TAB2: variants seen among roughly 807,000 people sequenced by gnomAD.
TAB2 encodes the protein TGF-beta activated kinase 1 (MAP3K7) binding protein 2.
Under a neutral mutation model 65.0 loss-of-function variants are expected in TAB2, and 3 were observed. The ratio of observed to expected loss-of-function variants is 0.05; its 90% CI spans 0.02 to 0.12. The LOEUF is 0.12. Ranked by LOEUF, TAB2 falls within the 10% of genes least tolerant of loss-of-function variation. The probability of loss-of-function intolerance (pLI) is 1.00; values close to 1 mark genes in which losing one functional copy is unlikely to be tolerated. For missense variants in TAB2, 623 were observed against 840.3 expected, an observed-to-expected ratio of 0.74 and a Z score of 3.20; for synonymous variants, 298 against 285.1, an observed-to-expected ratio of 1.05 and a Z score of -0.46.
chr6:149,355,153 T>C (rs1780616078), intron 1 of TAB2, among the ~76,000 whole-genome samples: 1 of 152,190 alleles, frequency 6.6e-6, no homozygotes, highest in South Asian at 2.1e-4. Context: ...CTTTTTTGTT[T>C]GGTCTCCAAT....
intron 1 of TAB2, among the ~76,000 whole-genome samples, chr6:149,274,783 A>G (rs1304467686): frequency 6.6e-6 from 1 of 152,192 alleles, no homozygotes; most frequent in East Asian, 1.9e-4. Flanking sequence ...GGCTGCACTT[A>G]TACCCAGAGC....
intron 1 of TAB2, among the ~76,000 whole-genome samples, chr6:149,361,813 A>G (rs148815565): frequency 6.6e-6 from 1 of 152,348 alleles, no homozygotes; most frequent in African/African-American, 2.4e-5. Flanking sequence ...CATCCAGTCC[A>G]CATCAGAAAT....
intron 1 of TAB2, among the ~76,000 whole-genome samples, chr6:149,309,273 T>TTTACATATACG (rs899731317): frequency 8.3e-5 from 4 of 47,954 alleles, no homozygotes; most frequent in African/African-American, 5.4e-4. Flanking sequence ...TATATGCTGT[T>TTTACATATACG]TTACATATGC....
In TAB2 at chr6:149,379,537, G is replaced by A. The variant is rs1021858149; in HGVS notation, c.1603+19G>A. The A allele has an allele frequency of 1.9e-6, 3 of 1,613,484 alleles. No individual in the cohort carries two copies. The highest frequency in any genetic ancestry group is 1.1e-5 in the South Asian group (1 of 91,048). ...ACACAAGGTAATATGAATACTAAAG[G>A]TGGGATGGTTTTCCATGCTGGGCTT... On this transcript the variant is annotated intron_variant, in intron 3 of 6. Coordinates refer to ENST00000637181, the MANE Select transcript of TAB2 (RefSeq NM_001292034.3).
At chr6:149,335,791 C>T (rs1779916614) in intron 1 of TAB2, among the ~76,000 whole-genome samples, 1 of 151,972 alleles carries the variant, frequency 6.6e-6, no homozygotes, top group East Asian at 1.9e-4. Context: ...ACACCTCATT[C>T]ATCTAGTATT....
chr6:149,379,611 T>C, intron 3 of TAB2, 93 bp downstream of exon 3: 1 of 1,224,650 alleles, frequency 8.2e-7, no homozygotes, highest in South Asian at 1.2e-5. Context: ...AGCATTGTTA[T>C]TTCATTGTTT....
intron 1 of TAB2, among the ~76,000 whole-genome samples, chr6:149,248,472 G>A (rs1364562147): frequency 1.4e-5 from 2 of 143,894 alleles, no homozygotes; most frequent in Non-Finnish European, 1.5e-5. Flanking sequence ...AGGAAGGAAA[G>A]AAAGAAAGAA....
In TAB2 at chr6:149,379,042, C is replaced by T. The variant is rs760538795; in HGVS notation, c.1127C>T (p.Thr376Met). ...TACATAGCTGCCAGCCCCCCAAATA[C>T]GGATGAGCTGATGTCCCGTAGTCAA... Reference protein sequence around the residue: ...TVYIAASPPNTDELMSRSQPK... With the variant: ...TVYIAASPPNMDELMSRSQPK... The change falls in exon 3 of 7, where the codon ACG becomes ATG. Residue 376 changes from threonine to methionine, a missense_variant. Around this residue, in one of 3 missense-constraint regions of TAB2, gnomAD observed 550 missense variants for 665.7 expected, o/e 0.83. Transcript: ENST00000637181. 6.8e-6 allele frequency: 11 copies of T among 1,614,092 alleles called. No individual in the cohort carries two copies. In the East Asian group the frequency reaches 8.9e-5, roughly 13 times the overall value.
chr6:149,317,943 ACGGCTGCCCTAGTGGGAGAGGC>A lies in TAB2; in HGVS notation c.-161_-140del. On this transcript the variant is annotated 5_prime_UTR_variant, in exon 1 of 7. Coordinates refer to ENST00000637181, the MANE Select transcript of TAB2 (RefSeq NM_001292034.3). This position sits in a 1 kb window ranked among gnomAD's most constrained non-coding sequence, Gnocchi z 4.7. Reference sequence around the variant, plus strand: ...CGTGGTGGCGGAGGCGACGGTGGAGACGGCTGCCCTAGTGGGAGAGGCGGCGGCGGCGGCGGCCGAGGAGGAG... The same window carrying A: ...CGTGGTGGCGGAGGCGACGGTGGAGAGGCGGCGGCGGCGGCCGAGGAGGAG... The A allele has an allele frequency of 6.1e-6, 1 of 165,198 alleles. No homozygotes were observed. Among genetic ancestry groups the A allele is most frequent in the Non-Finnish European group, 1.2e-5 (1 of 80,928 alleles). 10.2% of individuals were successfully genotyped at this position (165,198 alleles called of 1,614,324 possible).
At chr6:149,304,380 A>C (rs974189851) in intron 1 of TAB2, 2 of 153,336 alleles carry the variant, frequency 1.3e-5, no homozygotes, top group African/African-American at 4.8e-5. Context: ...ACTGATGGTC[A>C]CCATGGGTTT....
At chr6:149,293,275 T>A (rs572256585) in intron 1 of TAB2, among the ~76,000 whole-genome samples, 1 of 152,372 alleles carries the variant, frequency 6.6e-6, no homozygotes, top group East Asian at 1.9e-4. Flanking sequence ...TTTTATTCTC[T>A]GTAATATAGT....
At chr6:149,248,855 G>C (rs939066958) in intron 1 of TAB2, among the ~76,000 whole-genome samples, 4 of 152,154 alleles carry the variant, frequency 2.6e-5, no homozygotes, top group Non-Finnish European at 5.9e-5. Flanking sequence ...CACAGGAGCA[G>C]TCATGTCCCC....
chr6:149,249,454 GTCTC>G (rs1290776647), intron 1 of TAB2, among the ~76,000 whole-genome samples: 1 of 151,746 alleles, frequency 6.6e-6, no homozygotes, highest in Non-Finnish European at 1.5e-5. Context: ...GTCTCTCTCT[GTCTC>G]TCTATCTCTG....
intron 2 of TAB2, among the ~76,000 whole-genome samples, chr6:149,371,379 A>G (rs1306724142): frequency 1.3e-5 from 2 of 152,092 alleles, no homozygotes; most frequent in African/African-American, 4.8e-5. Context: ...AGGGCATACA[A>G]GGTCTGTGAT....
chr6:149,282,730 T>G (rs1446567116), intron 1 of TAB2, among the ~76,000 whole-genome samples: 1 of 152,228 alleles, frequency 6.6e-6, no homozygotes, highest in African/African-American at 2.4e-5. Flanking sequence ...AGAACAAATA[T>G]GAATTCAACA....
intron 6 of TAB2, among the ~76,000 whole-genome samples, chr6:149,404,687 G>A (rs1321705370): frequency 6.6e-6 from 1 of 152,196 alleles, no homozygotes; most frequent in African/African-American, 2.4e-5. Context: ...GGAAAGGGTA[G>A]TCTCTTCAGT....
chr6:149,400,491 A>T lies in TAB2; in HGVS notation c.1939+1307A>T, dbSNP rs775848209. 1.9e-6 allele frequency: 3 copies of T among 1,614,114 alleles called. No individual in the cohort carries two copies. In the African/African-American group the frequency reaches 4.0e-5, roughly 22 times the overall value. ...GGATGGTTCTGTGGTGCAGTTTAAG[A>T]TTAAGAGGCAGACACCACTTAGTAA... On this transcript the variant is annotated intron_variant, in intron 6 of 6. Coordinates refer to ENST00000637181, the MANE Select transcript of TAB2 (RefSeq NM_001292034.3).
intron 1 of TAB2, among the ~76,000 whole-genome samples, chr6:149,232,954 A>G (rs6921278): frequency 0.088 from 13,456 of 152,130 alleles, 940 homozygotes; most frequent in African/African-American, 0.2. Flanking sequence ...TGGAAGTCGA[A>G]GCCCAAAAGG....
intron 1 of TAB2, among the ~76,000 whole-genome samples, chr6:149,291,827 C>G (rs1583068319): frequency 6.6e-6 from 1 of 152,152 alleles, no homozygotes; most frequent in Non-Finnish European, 1.5e-5. Context: ...TACCACTGCA[C>G]TCCAGCCTGG....
Sources: allele counts gnomAD v4.1 joint callset (sites outside exome capture counted in the v4.1 genomes callset), GRCh38; gene constraint gnomAD v4.1.1; regional missense constraint gnomAD v4.1.1; non-coding constraint Gnocchi (gnomAD v3.1); transcripts MANE v1.5; gene names NCBI Gene and HGNC (gene_info 2026-07-23, HGNC 2026-07-21).